Variants in ARHGEF28 observed in about 807,000 individuals in gnomAD.
ARHGEF28 encodes 190 kDa guanine nucleotide exchange factor.
Under a neutral mutation model 206.6 loss-of-function variants are expected in ARHGEF28, and 152 were observed. The observed-to-expected ratio is 0.74, with a 90% CI of 0.64 to 0.84. The LOEUF (loss-of-function observed/expected upper bound fraction) is 0.84. Among genes scored for constraint, ARHGEF28 ranks in the 40% least tolerant of loss-of-function variants. The pLI, the probability that ARHGEF28 is intolerant of heterozygous loss-of-function variation, is 0.00. For missense variants in ARHGEF28, 2,028 were observed against 2,073.2 expected, an observed-to-expected ratio of 0.98 and a Z score of 0.42; for synonymous variants, 763 against 776.4, an observed-to-expected ratio of 0.98 and a Z score of 0.29.
At chr5:73,903,947 C>G in intron 31 of ARHGEF28, 1 of 480,802 alleles carries the variant, frequency 2.1e-6, no homozygotes, top group Non-Finnish European at 3.7e-6. Flanking sequence ...TTCAGGGTGT[C>G]CTTACTGTCA....
At chr5:73,829,639 C>G (rs2112555190) in intron 9 of ARHGEF28, among the ~76,000 whole-genome samples, 1 of 152,228 alleles carries the variant, frequency 6.6e-6, no homozygotes, top group East Asian at 1.9e-4. Context: ...CTCAGCCTCC[C>G]AAAGTGCTGA....
chr5:73,680,947 C>G (rs1001258018), intron 1 of ARHGEF28, among the ~76,000 whole-genome samples: 1 of 152,088 alleles, frequency 6.6e-6, no homozygotes, highest in Admixed American at 6.6e-5. Context: ...AAGCGATCCA[C>G]CTGCCTCGAC....
chr5:73,772,363 ACTTGAAGTTTGG>A (rs900168633), intron 4 of ARHGEF28, among the ~76,000 whole-genome samples: 1 of 151,868 alleles, frequency 6.6e-6, no homozygotes, highest in African/African-American at 2.4e-5. Context: ...TTTATTGAGA[ACTTGAAGTTTGG>A]CTTAATGAGG....
Position 73,776,746 on chromosome 5 carries a change from C to T in ARHGEF28, c.840+50C>T, listed in dbSNP as rs376753914. ...GTGATAATGCATGCTTCAGAGAATG[C>T]AGGCATCAATTTCTTATTATGAGAA... On this transcript the variant is annotated intron_variant, in intron 6 of 35. Transcript: ENST00000513042. 1.9e-4 allele frequency: 286 copies of T among 1,493,024 alleles called. 1 individual carries two copies. The African/African-American group carries it at 3.5e-3, about 18-fold the overall frequency. 92.5% of individuals were successfully genotyped at this position (1,493,024 alleles called of 1,614,324 possible).
At chr5:73,661,788 C>T (rs903416675) in intron 1 of ARHGEF28, among the ~76,000 whole-genome samples, 1 of 152,052 alleles carries the variant, frequency 6.6e-6, no homozygotes, top group Non-Finnish European at 1.5e-5. Flanking sequence ...CAGTTTATGA[C>T]ACCCCAAAAC....
intron 9 of ARHGEF28, among the ~76,000 whole-genome samples, chr5:73,814,044 G>T (rs930725422): frequency 2.0e-5 from 3 of 152,032 alleles, no homozygotes; most frequent in East Asian, 1.9e-4. Flanking sequence ...AGTGGGATTT[G>T]CAGAGAATAC....
intron 18 of ARHGEF28, 71 bp from the exon 19 acceptor site, chr5:73,867,805 C>A: frequency 6.3e-7 from 1 of 1,599,172 alleles, no homozygotes; most frequent in Admixed American, 1.7e-5. Flanking sequence ...AGCTTTCTGG[C>A]TTTTAAGTGA....
chr5:73,922,523 G>T lies in ARHGEF28; in HGVS notation c.4948+10948G>T, dbSNP rs193073201. On this transcript the variant is annotated intron_variant, in intron 35 of 35. Transcript: ENST00000513042. ...AGCTTGTGTGCTTGTCATTTCAGAT[G>T]TGCCCTTGCAGTTAACTGTTTAACT... Among the ~76,000 whole-genome samples the T allele has an allele frequency of 5.3e-5, 8 of 152,270 alleles. No individual in the cohort carries two copies. In the East Asian group the frequency reaches 1.5e-3, roughly 29 times the overall value.
At chr5:73,876,771 C>G (rs2112652920) in intron 22 of ARHGEF28, among the ~76,000 whole-genome samples, 1 of 150,992 alleles carries the variant, frequency 6.6e-6, no homozygotes, top group East Asian at 1.9e-4. Flanking sequence ...GGGATGAAGC[C>G]CACTTGATCA....
chr5:73,644,739 A>G (rs901089760), intron 1 of ARHGEF28, among the ~76,000 whole-genome samples: 3 of 152,200 alleles, frequency 2.0e-5, no homozygotes, highest in Non-Finnish European at 4.4e-5. Flanking sequence ...GTTGCTAGTC[A>G]TTAGAACCAC....
chr5:73,925,644 G>A lies in ARHGEF28; in HGVS notation c.4948+14069G>A, dbSNP rs141136539. Among the ~76,000 whole-genome samples, 10 of 152,218 alleles carry A rather than the reference G, an allele frequency of 6.6e-5. No individual in the cohort carries two copies. In the East Asian group the frequency reaches 1.9e-3, roughly 29 times the overall value. Reference sequence around the variant, plus strand: ...GTCAACCCCTCCCCTTCAAAGCAGCGACTCCTCTGCAATCCATCACCATGG... The same window carrying A: ...GTCAACCCCTCCCCTTCAAAGCAGCAACTCCTCTGCAATCCATCACCATGG... On this transcript the variant is annotated intron_variant, in intron 35 of 35. Transcript: ENST00000513042.
chr5:73,819,039 T>A (rs1446629862), intron 9 of ARHGEF28, among the ~76,000 whole-genome samples: 2 of 152,176 alleles, frequency 1.3e-5, no homozygotes, highest in Non-Finnish European at 2.9e-5. Context: ...GGGGGTATCA[T>A]AAAAAGAATG....
chr5:73,807,911 A>G (rs1755608631), intron 9 of ARHGEF28, among the ~76,000 whole-genome samples: 1 of 151,714 alleles, frequency 6.6e-6, no homozygotes, highest in Non-Finnish European at 1.5e-5. Context: ...TGTTTTGAGT[A>G]TTTTCTTGTT....
Position 73,940,951 on chromosome 5 carries a change from A to T in ARHGEF28, c.5056A>T (p.Thr1686Ser), listed in dbSNP as rs1299522512. The change falls in exon 36 of 36, where the codon ACA (threonine) becomes TCA (serine). Residue 1686 changes from threonine (T) to serine (S), a missense_variant. This residue lies in a region of ARHGEF28 where 803 missense variants were observed against 768.0 expected (regional missense o/e 1.05). Coordinates refer to ENST00000513042, the MANE Select transcript of ARHGEF28 (RefSeq NM_001177693.2). ...AGCAAAGCTAAATCTACCGACAAGG[A>T]CAATGACCAGACAAGATGGGGAAAC... ...TEAKLNLPTR[T>S]MTRQDGETGD... The T allele has an allele frequency of 3.9e-6, 6 of 1,534,550 alleles. No individual in the cohort carries two copies. In the East Asian group the frequency reaches 1.5e-4, roughly 38 times the overall value.
At chr5:73,783,501 G>T (rs1753973522) in intron 7 of ARHGEF28, among the ~76,000 whole-genome samples, 2 of 152,120 alleles carry the variant, frequency 1.3e-5, no homozygotes. Context: ...ATTCTACCCT[G>T]ACAGCTCTGT....
intron 1 of ARHGEF28, among the ~76,000 whole-genome samples, chr5:73,639,428 G>A (rs894660255): frequency 2.0e-5 from 3 of 151,616 alleles, no homozygotes; most frequent in African/African-American, 7.3e-5. Flanking sequence ...ATTTGGGTCA[G>A]TATATTTTGG....
At chr5:73,737,493 T>TTTTCTTTTCTTTTCTTTTCTTTTC in intron 2 of ARHGEF28, among the ~76,000 whole-genome samples, 1 of 131,744 alleles carries the variant, frequency 7.6e-6, no homozygotes, top group Non-Finnish European at 1.5e-5. Flanking sequence ...TTTTCTTTTC[T>TTTTCTTTTCTTTTCTTTTCTTTTC]TTTCTTTTCT....
At chr5:73,835,846 C>T (rs1469514237) in intron 10 of ARHGEF28, among the ~76,000 whole-genome samples, 1 of 151,896 alleles carries the variant, frequency 6.6e-6, no homozygotes, top group Non-Finnish European at 1.5e-5. Flanking sequence ...ATCTCCAGGT[C>T]GATAGTGCCA....
chr5:73,904,525 T>C (rs1762447081), intron 33 of ARHGEF28, 120 bp downstream of exon 33: 1 of 1,106,840 alleles, frequency 9.0e-7, no homozygotes, highest in Non-Finnish European at 1.3e-6. Context: ...CTTAAAAGAA[T>C]GACAACCTTC....
Sources: allele counts gnomAD v4.1 joint callset (sites outside exome capture counted in the v4.1 genomes callset), GRCh38; gene constraint gnomAD v4.1.1; regional missense constraint gnomAD v4.1.1; transcripts MANE v1.5; gene names NCBI Gene and HGNC (gene_info 2026-07-23, HGNC 2026-07-21).